Variants in AR observed in about 807,000 individuals in gnomAD.
AR encodes the protein androgen receptor.
AR carries 8 observed loss-of-function variants against 53.9 expected under a neutral mutation model. The observed-to-expected ratio is 0.15, with a 90% confidence interval of 0.09 to 0.27. The LOEUF is 0.27. Among genes scored for constraint, AR ranks in the 10% least tolerant of loss-of-function variants. The pLI is 1.00. For synonymous variants in AR, 359 were observed against 316.4 expected, an observed-to-expected ratio of 1.13 and a Z score of -1.43; for missense variants, 639 against 742.5, an observed-to-expected ratio of 0.86 and a Z score of 1.62.
intron 2 of AR, among the ~76,000 whole-genome samples, chrX:67,665,740 G>C (rs1297232590): frequency 1.8e-5 from 2 of 111,567 alleles, no homozygotes; most frequent in Admixed American, 9.5e-5. Context: ...TGAGTGACCT[G>C]ACCCATTTTT....
chrX:67,685,960 C>T (rs1262199907), intron 2 of AR, 50 bp from the exon 3 acceptor site: 2 of 1,204,993 alleles, frequency 1.7e-6, no homozygotes, highest in South Asian at 1.8e-5. Context: ...AAGAAAGAGA[C>T]TCTGGAAACT....
intron 2 of AR, among the ~76,000 whole-genome samples, chrX:67,675,782 G>A (rs1197678448): frequency 8.9e-6 from 1 of 111,956 alleles, no homozygotes; most frequent in Non-Finnish European, 1.9e-5. Context: ...TGGTTCTTAT[G>A]AAGGTGCTTT....
chrX:67,555,728 C>A (rs1921020730), intron 1 of AR, among the ~76,000 whole-genome samples: 1 of 112,249 alleles, frequency 8.9e-6, no homozygotes, highest in Admixed American at 9.4e-5. Flanking sequence ...GGGCTCTGTT[C>A]TCTGCAGGTT....
chrX:67,567,596 A>C (rs1265154759), intron 1 of AR, among the ~76,000 whole-genome samples: 1 of 111,231 alleles, frequency 9.0e-6, no homozygotes, highest in Non-Finnish European at 1.9e-5. Context: ...GAAGTCCACC[A>C]ATAAGACCAT....
intron 5 of AR, among the ~76,000 whole-genome samples, chrX:67,719,933 C>T (rs777086233): frequency 8.9e-6 from 1 of 112,232 alleles, no homozygotes; most frequent in African/African-American, 3.2e-5. Context: ...GCTCTATTAT[C>T]AGCCCTGTTT....
chrX:67,547,609 A>G (rs1929817815), intron 1 of AR, among the ~76,000 whole-genome samples: 1 of 112,265 alleles, frequency 8.9e-6, no homozygotes, highest in South Asian at 3.7e-4. Context: ...TATTCTTTTA[A>G]TGTACAATTT....
intron 1 of AR, among the ~76,000 whole-genome samples, chrX:67,569,213 G>C (rs777134162): frequency 1.0e-5 from 1 of 99,090 alleles, no homozygotes; most frequent in Non-Finnish European, 2.0e-5. Flanking sequence ...TTTTGTGTGT[G>C]GGGGGGGGTT....
chrX:67,585,007 G>A (rs1922471440), intron 1 of AR, among the ~76,000 whole-genome samples: 1 of 111,640 alleles, frequency 9.0e-6, no homozygotes, highest in Non-Finnish European at 1.9e-5. Flanking sequence ...TGTAATCCCA[G>A]CACTTTAGGA....
intron 1 of AR, among the ~76,000 whole-genome samples, chrX:67,637,304 T>C (rs1422970434): frequency 9.8e-6 from 1 of 101,766 alleles, no homozygotes; most frequent in East Asian, 3.4e-4. Flanking sequence ...ATTAGGTATA[T>C]CTCCTAATGC....
intron 1 of AR, among the ~76,000 whole-genome samples, chrX:67,621,842 G>T: frequency 8.9e-6 from 1 of 111,734 alleles, no homozygotes; most frequent in Non-Finnish European, 1.9e-5. Context: ...AGAAACACTG[G>T]ACTAGATGAT....
At chrX:67,608,463 A>G (rs1164162551) in intron 1 of AR, among the ~76,000 whole-genome samples, 1 of 111,860 alleles carries the variant, frequency 8.9e-6, no homozygotes, top group Non-Finnish European at 1.9e-5. Context: ...ACTTATCTTT[A>G]GGGACAGAAA....
chrX:67,715,979 G>T (rs894442631), intron 4 of AR, among the ~76,000 whole-genome samples: 4 of 111,900 alleles, frequency 3.6e-5, no homozygotes, highest in African/African-American at 1.3e-4. Flanking sequence ...GGCCATGTCT[G>T]TTCTACCTGT....
At chrX:67,555,106 C>T (rs1223236302) in intron 1 of AR, among the ~76,000 whole-genome samples, 1 of 110,059 alleles carries the variant, frequency 9.1e-6, no homozygotes, top group African/African-American at 3.3e-5. Context: ...CAACCAAAAA[C>T]CAAACAGAAA....
intron 2 of AR, among the ~76,000 whole-genome samples, chrX:67,654,705 A>G (rs376619997): frequency 4.6e-5 from 5 of 107,763 alleles, no homozygotes; most frequent in African/African-American, 1.7e-4. Flanking sequence ...TCCCTTGTCC[A>G]GCCAGAGGTG....
At chrX:67,688,496 G>A (rs1354543243) in intron 3 of AR, among the ~76,000 whole-genome samples, 3 of 111,672 alleles carry the variant, frequency 2.7e-5, no homozygotes, top group Non-Finnish European at 1.9e-5. Flanking sequence ...TGGAAAGTCT[G>A]TAACACAGCA....
chrX:67,720,879 TACACACACACACAC>T (rs113739371), intron 5 of AR, among the ~76,000 whole-genome samples: 2 of 100,777 alleles, frequency 2.0e-5, no homozygotes, highest in Non-Finnish European at 4.1e-5. Context: ...ATTTCTGTCT[TACACACACACACAC>T]ACACACACAC....
chrX:67,545,316 TGCAGCAGCA>T lies in AR; in HGVS notation c.231_239del (p.Gln78_Gln80del), dbSNP rs3032358. 28,253 of 982,901 alleles carry T rather than the reference TGCAGCAGCA, an allele frequency of 0.029. 418 individuals are homozygous for T. The highest frequency in any genetic ancestry group is 0.06 in the African/African-American group (2,542 of 42,122). 81.0% of individuals were successfully genotyped at this position (982,901 alleles called of 1,213,427 possible). A position where few individuals can be genotyped will look rare whatever the true frequency, so the allele number is the denominator to read the frequency against. On this transcript the variant is annotated inframe_deletion, in exon 1 of 8. Transcript: ENST00000374690. ...CCTCCCGGCGCCAGTTTGCTGCTGC[TGCAGCAGCA>T]GCAGCAGCAGCAGCAGCAGCAGCAG... is the stretch of plus-strand genomic sequence containing the variant.
At chrX:67,604,778 T>C (rs556134664) in intron 1 of AR, among the ~76,000 whole-genome samples, 1 of 111,993 alleles carries the variant, frequency 8.9e-6, no homozygotes, top group African/African-American at 3.2e-5. Flanking sequence ...AATAAATTAG[T>C]CATTGGTGCC....
chrX:67,632,914 C>T (rs1025327041), intron 1 of AR, among the ~76,000 whole-genome samples: 2 of 111,639 alleles, frequency 1.8e-5, no homozygotes, highest in Non-Finnish European at 3.8e-5. Context: ...TTTAAAAATG[C>T]TCAACATCAT....
Sources: gnomAD v4.1 joint callset for allele counts (sites outside exome capture counted in the v4.1 genomes callset) on GRCh38, gnomAD v4.1.1 for gene constraint, MANE v1.5 for transcripts, NCBI Gene and HGNC (gene_info 2026-07-23, HGNC 2026-07-21) for gene names.